ATXN7: variants seen among roughly 807,000 people sequenced by gnomAD.
The protein encoded by ATXN7 is ataxin-7.
In ATXN7, 12 loss-of-function variants were observed where a neutral mutation model predicts 70.5. That is an observed-to-expected ratio of 0.17 (90% CI 0.11 to 0.28). The LOEUF (loss-of-function observed/expected upper bound fraction) is 0.28, where lower values mean the gene tolerates loss of function less well. ATXN7 is among the 10% of genes least tolerant of loss of function. The pLI is 1.00. For synonymous variants in ATXN7, 498 were observed against 448.7 expected (o/e 1.11, Z -1.39); for missense variants, 1,256 against 1,131.7 (o/e 1.11, Z -1.58).
At chr3:63,947,617 T>C (rs2074885248) in intron 4 of ATXN7, among the ~76,000 whole-genome samples, 1 of 152,042 alleles carries the variant, frequency 6.6e-6, no homozygotes, top group African/African-American at 2.4e-5. Context: ...TTGAAGAGAT[T>C]GTATAACTTG....
rs1277310185 is a variant in ATXN7, at chr3:63,946,657, A to G, written c.395-5722A>G. ...GACTCTGTCTCAAAAAAAAAAAAAA[A>G]AAGGAATTTTAGGAGAACAAGACAG... On this transcript the variant is annotated intron_variant, in intron 4 of 12. Coordinates refer to ENST00000674280, the MANE Select transcript of ATXN7 (RefSeq NM_001377405.1). Among the ~76,000 whole-genome samples the G allele has an allele frequency of 6.6e-5, 10 of 151,924 alleles. 1 individual carries two copies. In the East Asian group the frequency reaches 1.9e-3, roughly 29 times the overall value.
intron 1 of ATXN7, among the ~76,000 whole-genome samples, chr3:63,868,984 A>G (rs1460303654): frequency 6.6e-6 from 1 of 152,216 alleles, no homozygotes; most frequent in Non-Finnish European, 1.5e-5. Context: ...GGACTGAATC[A>G]TATTTTACTT....
chr3:63,960,220 T>C (rs1286689434), intron 5 of ATXN7, among the ~76,000 whole-genome samples: 1 of 152,082 alleles, frequency 6.6e-6, no homozygotes, highest in Non-Finnish European at 1.5e-5. Flanking sequence ...CAGAGGTCCT[T>C]AGATGGAAGT....
chr3:63,881,706 T>G (rs1406615946), intron 1 of ATXN7, among the ~76,000 whole-genome samples: 1 of 152,170 alleles, frequency 6.6e-6, no homozygotes, highest in African/African-American at 2.4e-5. Context: ...GTCGGGCTGG[T>G]CTTGAACTCC....
intron 12 of ATXN7, chr3:63,997,946 C>T (rs73834168): frequency 1.0e-6 from 1 of 985,354 alleles, no homozygotes; most frequent in South Asian, 4.7e-5. Context: ...GATTCCTGGA[C>T]AAATGAGAAG....
intron 5 of ATXN7, among the ~76,000 whole-genome samples, chr3:63,972,599 G>T (rs2075329528): frequency 6.6e-6 from 1 of 152,152 alleles, no homozygotes; most frequent in Non-Finnish European, 1.5e-5. Context: ...TCTACTTGCA[G>T]TTCTTCCTGA....
intron 11 of ATXN7, among the ~76,000 whole-genome samples, chr3:63,994,878 C>A (rs1405250420): frequency 6.6e-6 from 1 of 152,224 alleles, no homozygotes; most frequent in Non-Finnish European, 1.5e-5. Flanking sequence ...CTAATAAATA[C>A]CTTGCCCACA....
At chr3:63,873,166 AT>A (rs1391355028) in intron 1 of ATXN7, among the ~76,000 whole-genome samples, 1 of 152,214 alleles carries the variant, frequency 6.6e-6, no homozygotes, top group Admixed American at 6.5e-5. Context: ...ATTAAATTTT[AT>A]CCCCCCAATT....
chr3:63,869,629 T>C (rs1375671569), intron 1 of ATXN7, among the ~76,000 whole-genome samples: 1 of 152,198 alleles, frequency 6.6e-6, no homozygotes, highest in Non-Finnish European at 1.5e-5. Context: ...TTCGCCATGC[T>C]GGCCAGGCTG....
intron 1 of ATXN7, chr3:63,865,191 T>C (rs1390492403): frequency 6.6e-6 from 1 of 152,242 alleles, no homozygotes; most frequent in Non-Finnish European, 1.5e-5. Context: ...CAGATGCAAA[T>C]GTATTAAAGT....
At chr3:63,921,914 A>T (rs1202905572) in intron 4 of ATXN7, among the ~76,000 whole-genome samples, 1 of 152,244 alleles carries the variant, frequency 6.6e-6, no homozygotes, top group Non-Finnish European at 1.5e-5. Context: ...GGACTGTCAG[A>T]GGAGCAGCAG....
At chr3:63,907,745 G>A (rs927893107) in intron 2 of ATXN7, among the ~76,000 whole-genome samples, 9 of 151,606 alleles carry the variant, frequency 5.9e-5, no homozygotes, top group Non-Finnish European at 1.0e-4. Flanking sequence ...ATCACGCCTG[G>A]CCTCCATTCC....
At chr3:63,938,428 G>A (rs2074701213) in intron 4 of ATXN7, among the ~76,000 whole-genome samples, 1 of 152,188 alleles carries the variant, frequency 6.6e-6, no homozygotes, top group African/African-American at 2.4e-5. Flanking sequence ...ATTAGGAGTA[G>A]AAGTAATTAA....
intron 4 of ATXN7, among the ~76,000 whole-genome samples, chr3:63,915,645 A>G (rs545248581): frequency 6.6e-6 from 1 of 152,124 alleles, no homozygotes; most frequent in African/African-American, 2.4e-5. Flanking sequence ...TAAATTGATC[A>G]TGTGAGTGAA....
chr3:63,888,901 A>G (rs1703174912), intron 1 of ATXN7, among the ~76,000 whole-genome samples: 3 of 152,118 alleles, frequency 2.0e-5, no homozygotes. Flanking sequence ...TAAATTTGTC[A>G]TTTTGGGAAT....
chr3:63,970,741 C>T (rs2075297602), intron 5 of ATXN7, among the ~76,000 whole-genome samples: 1 of 152,206 alleles, frequency 6.6e-6, no homozygotes, highest in South Asian at 2.1e-4. Flanking sequence ...ACGCCTGTCC[C>T]TTCCCCCACT....
At chr3:63,931,974 A>T (rs528883600) in intron 4 of ATXN7, among the ~76,000 whole-genome samples, 1 of 152,206 alleles carries the variant, frequency 6.6e-6, no homozygotes, top group Non-Finnish European at 1.5e-5. Flanking sequence ...CACTTCATGT[A>T]TATGTGCAAA....
At chr3:63,947,532 C>T (rs1355590067) in intron 4 of ATXN7, among the ~76,000 whole-genome samples, 2 of 152,160 alleles carry the variant, frequency 1.3e-5, no homozygotes, top group Non-Finnish European at 2.9e-5. Context: ...ATTGAGGCTG[C>T]AGTGAGCTGT....
chr3:63,929,235 A>G (rs1704837594), intron 4 of ATXN7, among the ~76,000 whole-genome samples: 1 of 152,044 alleles, frequency 6.6e-6, no homozygotes, highest in Non-Finnish European at 1.5e-5. Context: ...TTGTAATCCA[A>G]AGATTATCTA....
Sources: gnomAD v4.1 joint callset for allele counts (sites outside exome capture counted in the v4.1 genomes callset) on GRCh38, gnomAD v4.1.1 for gene constraint, MANE v1.5 for transcripts, NCBI Gene and HGNC (gene_info 2026-07-23, HGNC 2026-07-21) for gene names.